The following TENM3 variants were observed in gnomAD, a reference collection of about 807,000 sequenced individuals.
The protein encoded by TENM3 is teneurin-3.
TENM3 carries 63 observed loss-of-function variants against 255.1 expected under a neutral mutation model. That is an observed-to-expected ratio of 0.25 (90% CI 0.20 to 0.30). TENM3 has a LOEUF of 0.30. Ranked by LOEUF, TENM3 falls within the 10% of genes least tolerant of loss-of-function variation. The pLI is 1.00. For synonymous variants in TENM3, 1,306 were observed against 1,322.3 expected (o/e 0.99, Z 0.27); for missense variants, 2,929 against 3,461.1 (o/e 0.85, Z 3.86).
the TENM3 span, among the ~76,000 whole-genome samples, chr4:181,677,426 C>T: frequency 6.6e-6 from 1 of 152,110 alleles, no homozygotes; most frequent in African/African-American, 2.4e-5. Flanking sequence ...AGAGACATTC[C>T]TTTGAAAATG....
chr4:182,250,281 T>TGACCTCATGATCCACC (rs142080442), intron 1 of TENM3, among the ~76,000 whole-genome samples: 11,359 of 149,930 alleles, frequency 0.076, 800 homozygotes, highest in African/African-American at 0.19. Flanking sequence ...CTCGATCTCC[T>TGACCTCATGATCCACC]GACCTCATGA....
At chr4:181,950,326 T>A in the TENM3 span, among the ~76,000 whole-genome samples, 1 of 151,764 alleles carries the variant, frequency 6.6e-6, no homozygotes, top group Non-Finnish European at 1.5e-5. Flanking sequence ...GAGTCCCTTT[T>A]CGGACTCAGC....
intron 3 of TENM3, among the ~76,000 whole-genome samples, chr4:182,570,382 C>G (rs1424209177): frequency 6.6e-6 from 1 of 152,112 alleles, no homozygotes; most frequent in Non-Finnish European, 1.5e-5. Flanking sequence ...AGAAAGAATA[C>G]CACATATTGA....
At chr4:181,503,667 C>G in the TENM3 span, among the ~76,000 whole-genome samples, 1 of 152,114 alleles carries the variant, frequency 6.6e-6, no homozygotes, top group Admixed American at 6.5e-5. Flanking sequence ...TTGGGACTCC[C>G]TAGTTCTCTA....
chr4:182,223,375 C>A (rs1755956751), intron 1 of TENM3, among the ~76,000 whole-genome samples: 1 of 151,958 alleles, frequency 6.6e-6, no homozygotes, highest in South Asian at 2.1e-4. Flanking sequence ...AAATTATATA[C>A]CACTTTTAAT....
At chr4:182,629,191 A>G (rs1252616554) in intron 5 of TENM3, among the ~76,000 whole-genome samples, 1 of 152,170 alleles carries the variant, frequency 6.6e-6, no homozygotes, top group African/African-American at 2.4e-5. Flanking sequence ...CATGTACACA[A>G]AATAATTCAT....
chr4:182,162,963 C>T (rs1309529224), intron 1 of TENM3, among the ~76,000 whole-genome samples: 1 of 152,176 alleles, frequency 6.6e-6, no homozygotes, highest in Non-Finnish European at 1.5e-5. Context: ...TCACTCTTCT[C>T]TCAGGCCTGA....
At chr4:182,361,377 CT>C (rs1481480003) in intron 3 of TENM3, among the ~76,000 whole-genome samples, 1 of 152,180 alleles carries the variant, frequency 6.6e-6, no homozygotes, top group Non-Finnish European at 1.5e-5. Context: ...TAGATTTGGT[CT>C]TTTCACATAG....
chr4:182,670,962 G>A (rs1240556720), intron 6 of TENM3, among the ~76,000 whole-genome samples: 3 of 152,142 alleles, frequency 2.0e-5, no homozygotes, highest in Non-Finnish European at 2.9e-5. Flanking sequence ...CATCTTCAGG[G>A]AAAAGGGTGT....
chr4:182,785,064 A>G (rs190062323), intron 24 of TENM3, among the ~76,000 whole-genome samples: 350 of 151,270 alleles, frequency 2.3e-3, no homozygotes, highest in African/African-American at 8.1e-3. Flanking sequence ...CTATTCGGCC[A>G]TCTTGGCTCC....
chr4:182,775,484 C>T (rs77013924), intron 24 of TENM3, among the ~76,000 whole-genome samples: 105 of 152,298 alleles, frequency 6.9e-4, no homozygotes, highest in East Asian at 3.9e-3. Flanking sequence ...ATTCCCAAAG[C>T]GGACTCCAGC....
the TENM3 span, among the ~76,000 whole-genome samples, chr4:182,099,554 G>A: frequency 5.9e-5 from 9 of 151,986 alleles, no homozygotes; most frequent in South Asian, 4.1e-4. Context: ...GTACCATGTT[G>A]AGCCTATAGG....
the TENM3 span, among the ~76,000 whole-genome samples, chr4:182,093,773 G>A: frequency 6.6e-6 from 1 of 152,094 alleles, no homozygotes. Flanking sequence ...ACGCTTCCAC[G>A]ACAGGGTCCC....
In TENM3 at chr4:182,422,985, T is replaced by C. The variant is rs562453351; in HGVS notation, c.511+76056T>C. On this transcript the variant is annotated intron_variant, in intron 3 of 27. Transcript: ENST00000511685. ...AGAGGCCTTGTTCCTAACCTTGAAA[T>C]GACACTGCCTCAACAACTGGACTCC... Among the ~76,000 whole-genome samples, 65 of 152,192 alleles carry C rather than the reference T, an allele frequency of 4.3e-4. 1 individual carries two copies. Among genetic ancestry groups the C allele is most frequent in the Non-Finnish European group, 1.3e-4 (9 of 68,030 alleles).
chr4:181,644,601 G>C, the TENM3 span, among the ~76,000 whole-genome samples: 1 of 152,066 alleles, frequency 6.6e-6, no homozygotes, highest in African/African-American at 2.4e-5. Flanking sequence ...AAATTCAGGG[G>C]ACCAAGACAC....
At chr4:181,467,749 A>T in the TENM3 span, among the ~76,000 whole-genome samples, 2 of 151,812 alleles carry the variant, frequency 1.3e-5, no homozygotes, top group African/African-American at 4.8e-5. Flanking sequence ...GCTGAGGACT[A>T]ATTAGCATTG....
chr4:181,776,236 G>A, the TENM3 span, among the ~76,000 whole-genome samples: 90 of 152,062 alleles, frequency 5.9e-4, no homozygotes, highest in South Asian at 0.016. Context: ...CATCCACGTC[G>A]CTGTAAATGA....
At chr4:182,251,317 A>C (rs558644877) in intron 1 of TENM3, among the ~76,000 whole-genome samples, 59 of 152,218 alleles carry the variant, frequency 3.9e-4, no homozygotes, top group African/African-American at 1.3e-3. Context: ...AAAAATAAAA[A>C]ATTATCCAGG....
the TENM3 span, chr4:181,975,243 T>G: frequency 1.3e-5 from 2 of 150,006 alleles, no homozygotes; most frequent in African/African-American, 4.9e-5. Flanking sequence ...GTTCAAGCTA[T>G]TCTCGTGCCT....
Sources: gnomAD v4.1 joint callset for allele counts (sites outside exome capture counted in the v4.1 genomes callset) on GRCh38, gnomAD v4.1.1 for gene constraint, MANE v1.5 for transcripts, NCBI Gene and HGNC (gene_info 2026-07-23, HGNC 2026-07-21) for gene names.